Variants in BEGAIN observed in about 807,000 individuals in gnomAD.
The protein encoded by BEGAIN is brain-enriched guanylate kinase-associated protein.
Under a neutral mutation model 35.8 loss-of-function variants are expected in BEGAIN, and 19 were observed. The ratio of observed to expected loss-of-function variants is 0.53; its 90% CI spans 0.37 to 0.78. BEGAIN has a LOEUF of 0.78. Among genes scored for constraint, BEGAIN ranks in the 30% least tolerant of loss-of-function variants. BEGAIN has a pLI of 0.00. For missense variants in BEGAIN, 795 were observed against 853.6 expected (o/e 0.93, Z 0.85); for synonymous variants, 462 against 388.6 (o/e 1.19, Z -2.22).
intron 2 of BEGAIN, chr14:100,550,437 C>T (rs1025584583): frequency 3.0e-5 from 12 of 399,076 alleles, no homozygotes; most frequent in African/African-American, 2.1e-4. Context: ...AGATGGAGGG[C>T]GAGGACCTGG....
chr14:100,556,181 C>T (rs561220060), intron 2 of BEGAIN, among the ~76,000 whole-genome samples: 5 of 152,236 alleles, frequency 3.3e-5, no homozygotes, highest in South Asian at 2.1e-4. Flanking sequence ...CCCTCCCCTC[C>T]CCCTCCTTCA....
In BEGAIN at chr14:100,568,314, G is replaced by GTAAACCATACAGCC; in HGVS notation, c.43-376_43-375insGGCTGTATGGTTTA. The GTAAACCATACAGCC allele has an allele frequency of 5.5e-6, 1 of 181,742 alleles. No individual in the cohort carries two copies. The highest frequency in any genetic ancestry group is 1.1e-5 in the Non-Finnish European group (1 of 92,990). 11.3% of individuals were successfully genotyped at this position (181,742 alleles called of 1,614,324 possible). ...CGGCCGCGGCCCCGCTGCTCCCCCC[G>GTAAACCATACAGCC]CCCCGCCCGTTAACCCTTCCTGCCC... On this transcript the variant is annotated intron_variant, in intron 1 of 6. Coordinates refer to ENST00000554140, the MANE Select transcript of BEGAIN (RefSeq NM_001385089.1). This position sits in a 1 kb window ranked among gnomAD's most constrained non-coding sequence, Gnocchi z 7.5.
chr14:100,557,877 G>A (rs1412701345), intron 2 of BEGAIN, among the ~76,000 whole-genome samples: 1 of 152,080 alleles, frequency 6.6e-6, no homozygotes, highest in Admixed American at 6.5e-5. Flanking sequence ...TTTCTGCTGA[G>A]AAGTGAAACC....
intron 2 of BEGAIN, chr14:100,546,884 G>A (rs2032594482): frequency 1.2e-5 from 5 of 433,218 alleles, no homozygotes; most frequent in Non-Finnish European, 2.0e-5. Context: ...CTGACCCTGA[G>A]CCAGTCTGGC....
At chr14:100,571,168 C>T (rs549705751) in intron 1 of BEGAIN, among the ~76,000 whole-genome samples, 3 of 152,326 alleles carry the variant, frequency 2.0e-5, no homozygotes, top group African/African-American at 7.2e-5. Context: ...CTCTCCCCAC[C>T]GTCTGCCTTA....
chr14:100,542,314 T>C (rs1191837889), intron 5 of BEGAIN, among the ~76,000 whole-genome samples: 1 of 152,232 alleles, frequency 6.6e-6, no homozygotes, highest in Non-Finnish European at 1.5e-5. Context: ...CCTTCTCAAG[T>C]GGTTGTTGGG....
At chr14:100,564,431 C>A (rs946369632) in intron 2 of BEGAIN, among the ~76,000 whole-genome samples, 1 of 151,936 alleles carries the variant, frequency 6.6e-6, no homozygotes, top group African/African-American at 2.4e-5. Context: ...GGCTGCCCAG[C>A]AGCACGCTGC....
chr14:100,568,009 G>A lies in BEGAIN; in HGVS notation c.43-70C>T, dbSNP rs1216764332. 7 of 1,314,458 alleles carry A rather than the reference G, an allele frequency of 5.3e-6. No individual in the cohort carries two copies. Among genetic ancestry groups the A allele is most frequent in the South Asian group, 3.3e-5 (2 of 60,358 alleles). 81.4% of individuals were successfully genotyped at this position (1,314,458 alleles called of 1,614,324 possible). On this transcript the variant is annotated intron_variant, in intron 1 of 6. Transcript: ENST00000554140. This position sits in a 1 kb window ranked among gnomAD's most constrained non-coding sequence, Gnocchi z 7.5. Reference sequence around the variant, plus strand: ...CTCCGCGGCCGCGCCGGGCAGAGCCGGGCACAGCGGGCACGGCCGGGCAAC... The same window carrying A: ...CTCCGCGGCCGCGCCGGGCAGAGCCAGGCACAGCGGGCACGGCCGGGCAAC...
intron 1 of BEGAIN, among the ~76,000 whole-genome samples, chr14:100,574,589 G>A (rs371409383): frequency 4.1e-5 from 6 of 145,106 alleles, no homozygotes; most frequent in African/African-American, 1.3e-4. Context: ...TTTAAAATCC[G>A]TATTTTTGGC....
intron 1 of BEGAIN, among the ~76,000 whole-genome samples, chr14:100,585,221 ATCCATCCATCCCTCCCTCCC>A (rs2035409572): frequency 8.7e-6 from 1 of 115,334 alleles, no homozygotes; most frequent in African/African-American, 3.5e-5. Context: ...CCATCCATCC[ATCCATCCATCCCTCCCTCCC>A]TCCCTCCCTC....
In BEGAIN at chr14:100,538,629, C is replaced by T. The variant is rs924971231; in HGVS notation, c.1179G>A (p.Pro393=). The stretch of plus-strand genomic sequence containing the variant: ...GGAAGCGGAAGGTCTCGGCCGGGTA[C>T]GGTGACATGGTCCGCCCGAAGCCTG... ...VAPGFGRTMS[P]YPAETFRFPA... Residue 393 remains proline, a synonymous_variant, in exon 7 of 7, where the codon CCG becomes CCA. Coordinates refer to ENST00000554140, the MANE Select transcript of BEGAIN (RefSeq NM_001385089.1). 12 of 1,549,452 alleles carry T rather than the reference C, an allele frequency of 7.7e-6. No homozygotes were observed. Among genetic ancestry groups the T allele is most frequent in the East Asian group, 2.4e-5 (1 of 41,192 alleles).
rs1191834585 is a variant in BEGAIN, at chr14:100,538,922, C to T, written c.886G>A (p.Ala296Thr). Residue 296 changes from alanine to threonine, a missense_variant, in exon 7 of 7, where the codon GCC becomes ACC. By Grantham distance (58) the Ala-to-Thr change is moderately conservative. Transcript: ENST00000554140. Reference sequence around the variant, plus strand: ...TCATGCTGGAAGCCCGCCGGGAAGGCCGCCGCCTCGGCCTCCTCCTCCTCC... The same window carrying T: ...TCATGCTGGAAGCCCGCCGGGAAGGTCGCCGCCTCGGCCTCCTCCTCCTCC... ...AEEEEEAEAA[A>T]FPAGFQHEAF... is the part of the protein sequence containing the mutation. 1 of 1,607,692 alleles carries T rather than the reference C, an allele frequency of 6.2e-7. No homozygotes were observed. Among genetic ancestry groups the T allele is most frequent in the Admixed American group, 1.7e-5 (1 of 59,708 alleles).
At chr14:100,544,003 G>A in intron 4 of BEGAIN, 38 bp from the exon 5 acceptor site, 1 of 1,527,796 alleles carries the variant, frequency 6.5e-7, no homozygotes, top group Non-Finnish European at 8.9e-7. Flanking sequence ...GCCCGTGGTT[G>A]GCTCCTGGTG....
chr14:100,553,081 G>A (rs946074226), intron 2 of BEGAIN, among the ~76,000 whole-genome samples: 1 of 152,166 alleles, frequency 6.6e-6, no homozygotes, highest in Non-Finnish European at 1.5e-5. Flanking sequence ...TCAGGACTTG[G>A]ACCCTGGGGG....
rs1282823752 is a variant in BEGAIN at position 100,537,614 on chromosome 14, C to T, written c.*355G>A. On this transcript the variant is annotated 3_prime_UTR_variant, in exon 7 of 7. Transcript: ENST00000554140. ...AAATAAAGGAGCTTTGTGTTGAAAA[C>T]GCCAAGGCAGCCGTCCAGGGAGCTG... 2 of 229,514 alleles carry T rather than the reference C, an allele frequency of 8.7e-6. No homozygotes were observed. Among genetic ancestry groups the T allele is most frequent in the African/African-American group, 2.3e-5 (1 of 43,948 alleles). 14.2% of individuals were successfully genotyped at this position (229,514 alleles called of 1,614,324 possible).
intron 2 of BEGAIN, among the ~76,000 whole-genome samples, chr14:100,552,209 C>G (rs548468999): frequency 3.9e-5 from 6 of 152,204 alleles, no homozygotes; most frequent in Middle Eastern, 3.4e-3. Flanking sequence ...CCAGGGGAAA[C>G]TGAGGCCCAG....
chr14:100,579,161 T>C (rs2139759740), intron 1 of BEGAIN, among the ~76,000 whole-genome samples: 1 of 152,380 alleles, frequency 6.6e-6, no homozygotes, highest in Middle Eastern at 3.4e-3. Flanking sequence ...GTGCCTGGCC[T>C]GCTTCTGGTA....
chr14:100,578,721 C>T (rs948214219), intron 1 of BEGAIN, among the ~76,000 whole-genome samples: 4 of 152,140 alleles, frequency 2.6e-5, no homozygotes, highest in Non-Finnish European at 4.4e-5. Flanking sequence ...CTGTGGCAGC[C>T]ATTTTGCACC....
intron 2 of BEGAIN, chr14:100,548,328 A>G (rs2032801205): frequency 6.6e-6 from 1 of 152,052 alleles, no homozygotes; most frequent in Non-Finnish European, 1.5e-5. Context: ...GAGGTGGTGA[A>G]CTTCCTGGGG....
Sources: allele counts gnomAD v4.1 joint callset (sites outside exome capture counted in the v4.1 genomes callset), GRCh38; gene constraint gnomAD v4.1.1; non-coding constraint Gnocchi (gnomAD v3.1); transcripts MANE v1.5; gene names NCBI Gene and HGNC (gene_info 2026-07-23, HGNC 2026-07-21).